The following LYPLAL1 variants were observed in gnomAD, a reference collection of about 807,000 sequenced individuals.
LYPLAL1 encodes lysophospholipase like 1, also known as lysophospholipase-like protein 1.
LYPLAL1 carries 23 observed loss-of-function variants against 19.7 expected under a neutral mutation model. The observed-to-expected ratio is 1.17, with a 90% confidence interval of 0.84 to 1.65. The LOEUF (loss-of-function observed/expected upper bound fraction) is 1.65, where lower values mean the gene tolerates loss of function less well. Among genes scored for constraint, LYPLAL1 ranks in the 40% most tolerant of loss-of-function variants. The pLI is 0.00. For synonymous variants in LYPLAL1, 119 were observed against 96.3 expected, an observed-to-expected ratio of 1.24 and a Z score of -1.38; for missense variants, 355 against 279.4, an observed-to-expected ratio of 1.27 and a Z score of -1.93.
At chr1:219,320,325 G>C in the LYPLAL1 span, among the ~76,000 whole-genome samples, 3 of 151,878 alleles carry the variant, frequency 2.0e-5, no homozygotes, top group African/African-American at 7.3e-5. Context: ...GGCGCCCTCA[G>C]AATCCCCGAG....
the LYPLAL1 span, among the ~76,000 whole-genome samples, chr1:219,377,287 A>T: frequency 1.3e-5 from 2 of 152,080 alleles, no homozygotes; most frequent in Non-Finnish European, 2.9e-5. Context: ...AGAGTACTCA[A>T]ATTCTTGAAG....
At chr1:219,231,901 C>T in the LYPLAL1 span, among the ~76,000 whole-genome samples, 1 of 152,304 alleles carries the variant, frequency 6.6e-6, no homozygotes, top group East Asian at 1.9e-4. Flanking sequence ...GTGGCATATA[C>T]TAGCTGTCAT....
chr1:219,207,202 G>T (rs1046724985), intron 3 of LYPLAL1, among the ~76,000 whole-genome samples: 1 of 11,342 alleles, frequency 8.8e-5, no homozygotes, highest in African/African-American at 1.1e-4. Context: ...TATCTATCGC[G>T]TGTGGATTTT....
chr1:219,190,802 C>G (rs1374093751), intron 2 of LYPLAL1, among the ~76,000 whole-genome samples: 1 of 151,448 alleles, frequency 6.6e-6, no homozygotes, highest in Non-Finnish European at 1.5e-5. Flanking sequence ...CAAATGACAT[C>G]AGTCAGCAAT....
chr1:219,306,786 A>ATAGG, the LYPLAL1 span, among the ~76,000 whole-genome samples: 4 of 144,126 alleles, frequency 2.8e-5, no homozygotes, highest in Admixed American at 2.1e-4. Context: ...AGATAGATAG[A>ATAGG]TACATAGACA....
the LYPLAL1 span, among the ~76,000 whole-genome samples, chr1:219,383,807 G>A: frequency 2.6e-5 from 4 of 152,226 alleles, no homozygotes; most frequent in African/African-American, 9.6e-5. Context: ...GAGAAAGCAA[G>A]TGGAATATTC....
At chr1:219,367,778 T>G in the LYPLAL1 span, among the ~76,000 whole-genome samples, 2 of 152,204 alleles carry the variant, frequency 1.3e-5, no homozygotes, top group African/African-American at 2.4e-5. Context: ...GTTCCTAACC[T>G]GAGGTAATGT....
the LYPLAL1 span, among the ~76,000 whole-genome samples, chr1:219,244,811 G>A: frequency 6.6e-6 from 1 of 150,714 alleles, no homozygotes; most frequent in African/African-American, 2.4e-5. Flanking sequence ...GCCAGACATC[G>A]TGGTGCATGC....
the LYPLAL1 span, among the ~76,000 whole-genome samples, chr1:219,299,211 A>C: frequency 1.4e-5 from 2 of 146,072 alleles, no homozygotes; most frequent in African/African-American, 2.5e-5. Context: ...TGCATTACTC[A>C]GTGCACTCTA....
At chr1:219,412,547 A>G in the LYPLAL1 span, among the ~76,000 whole-genome samples, 2 of 152,226 alleles carry the variant, frequency 1.3e-5, no homozygotes, top group Non-Finnish European at 2.9e-5. Flanking sequence ...TCACACAGCA[A>G]AAGCTCCATT....
chr1:219,174,166 T>TAGTCCAG, intron 1 of LYPLAL1, 185 bp downstream of exon 1: 1 of 1,429,012 alleles, frequency 7.0e-7, no homozygotes, highest in South Asian at 1.5e-5. Flanking sequence ...CCCCCGTTAG[T>TAGTCCAG]CTTCCTCTTT....
the LYPLAL1 span, among the ~76,000 whole-genome samples, chr1:219,289,449 C>T: frequency 2.0e-5 from 3 of 152,046 alleles, no homozygotes; most frequent in Admixed American, 1.3e-4. Context: ...TGAAAGAAAT[C>T]GAATTCACAA....
chr1:219,269,572 G>A, the LYPLAL1 span, among the ~76,000 whole-genome samples: 1 of 151,702 alleles, frequency 6.6e-6, no homozygotes, highest in Non-Finnish European at 1.5e-5. Context: ...ACATTTAAAA[G>A]ATTTTTCTTT....
the LYPLAL1 span, among the ~76,000 whole-genome samples, chr1:219,388,670 C>A: frequency 3.9e-5 from 6 of 152,042 alleles, no homozygotes; most frequent in Non-Finnish European, 8.8e-5. Flanking sequence ...CGTTTGTCTC[C>A]TTGAATGCTC....
intron 3 of LYPLAL1, among the ~76,000 whole-genome samples, chr1:219,196,599 C>T (rs1657621530): frequency 6.6e-6 from 1 of 152,098 alleles, no homozygotes; most frequent in African/African-American, 2.4e-5. Context: ...GACAAAGATG[C>T]TCTCTCTCAC....
chr1:219,279,622 A>C, the LYPLAL1 span, among the ~76,000 whole-genome samples: 1 of 152,240 alleles, frequency 6.6e-6, no homozygotes, highest in East Asian at 1.9e-4. Context: ...GAAGTCTGCT[A>C]TCCAAGTTCA....
At chr1:219,366,113 C>T in the LYPLAL1 span, among the ~76,000 whole-genome samples, 1 of 152,094 alleles carries the variant, frequency 6.6e-6, no homozygotes, top group Non-Finnish European at 1.5e-5. Context: ...AGTGAGCTAC[C>T]TAACGATGTG....
At chr1:219,250,125 ATTC>A in the LYPLAL1 span, among the ~76,000 whole-genome samples, 4 of 152,024 alleles carry the variant, frequency 2.6e-5, no homozygotes, top group Non-Finnish European at 4.4e-5. Context: ...TCACAAAGTT[ATTC>A]TTCTGTGTTT....
At chr1:219,215,095 A>AT (rs1462975955), downstream of LYPLAL1, among the ~76,000 whole-genome samples, 3 of 151,584 alleles carry the variant, frequency 2.0e-5, no homozygotes, top group African/African-American at 4.8e-5. Flanking sequence ...GAAGACCTGT[A>AT]TTTTTTTTCT....
Sources: allele counts gnomAD v4.1 joint callset (sites outside exome capture counted in the v4.1 genomes callset), GRCh38; gene constraint gnomAD v4.1.1; transcripts MANE v1.5; gene names NCBI Gene and HGNC (gene_info 2026-07-23, HGNC 2026-07-21).